The following GLYATL3 variants were observed in gnomAD, a reference collection of about 807,000 sequenced individuals.
GLYATL3 encodes glycine-N-acyltransferase like 3.
A neutral mutation model predicts 28.5 loss-of-function variants in GLYATL3; 31 were observed. The observed-to-expected ratio is 1.09, with a 90% CI of 0.82 to 1.47. The LOEUF is 1.47. GLYATL3 is among the 40% of genes most tolerant of loss of function. The pLI, the probability that GLYATL3 is intolerant of heterozygous loss-of-function variation, is 0.00. For synonymous variants in GLYATL3, 141 were observed against 140.2 expected (o/e 1.01, Z -0.04); for missense variants, 369 against 351.5 (o/e 1.05, Z -0.40).
chr6:49,500,713 C>A (rs976682955), intron 1 of GLYATL3, among the ~76,000 whole-genome samples: 1 of 152,150 alleles, frequency 6.6e-6, no homozygotes, highest in Non-Finnish European at 1.5e-5. Context: ...AGTTACCAAC[C>A]TTTAACTTCC....
chr6:49,513,363 AAT>A (rs1370095566), intron 2 of GLYATL3, among the ~76,000 whole-genome samples: 6 of 152,142 alleles, frequency 3.9e-5, no homozygotes, highest in African/African-American at 1.4e-4. Flanking sequence ...CCTTTGAATA[AAT>A]AGCTATTGGA....
At chr6:49,509,430 T>C (rs977091720) in intron 1 of GLYATL3, among the ~76,000 whole-genome samples, 1 of 152,230 alleles carries the variant, frequency 6.6e-6, no homozygotes, top group African/African-American at 2.4e-5. Flanking sequence ...CTAACACGTG[T>C]ATTTCCTCCA....
chr6:49,508,327 A>G (rs1000213533), intron 1 of GLYATL3, among the ~76,000 whole-genome samples: 1 of 152,170 alleles, frequency 6.6e-6, no homozygotes, highest in Admixed American at 6.5e-5. Context: ...CAACAACAAC[A>G]AAAACCAGAA....
In GLYATL3 at chr6:49,521,662, T is replaced by C; in HGVS notation, c.331T>C (p.Tyr111His). The change falls in exon 5 of 6, where the codon TAT (tyrosine) becomes CAT (histidine). Residue 111 changes from tyrosine (Y) to histidine (H), a missense_variant. Physicochemically the swap from Tyr to His is moderately conservative, Grantham distance 83. Transcript: ENST00000371197. ...ATACACAGGGCTGCAGAGTGAGTTA[T>C]ATGATGTTTCCAAAGCGGTTGCCAA... is the stretch of plus-strand genomic sequence containing the variant. ...FQIQGLQSEL[Y>H]DVSKAVANSK... is the part of the protein sequence containing the mutation. The C allele has an allele frequency of 2.6e-6, 4 of 1,551,114 alleles. No homozygotes were observed. The highest frequency in any genetic ancestry group is 1.2e-5 in the South Asian group (1 of 84,032).
intron 2 of GLYATL3, among the ~76,000 whole-genome samples, 198 bp downstream of exon 2, chr6:49,512,266 C>CA (rs1459284003): frequency 3.1e-5 from 4 of 129,366 alleles, no homozygotes; most frequent in African/African-American, 8.5e-5. Context: ...TTACACTTTT[C>CA]TTTTTTTTTT....
chr6:49,521,942 C>T (rs1338772524), intron 5 of GLYATL3, among the ~76,000 whole-genome samples, 171 bp downstream of exon 5: 1 of 152,014 alleles, frequency 6.6e-6, no homozygotes, highest in Non-Finnish European at 1.5e-5. Context: ...TACTCTTCTC[C>T]TCTCTCCTGT....
At chr6:49,501,236 T>A (rs1189242254) in intron 1 of GLYATL3, among the ~76,000 whole-genome samples, 2 of 145,590 alleles carry the variant, frequency 1.4e-5, no homozygotes, top group Non-Finnish European at 3.1e-5. Context: ...CCCCCATCTC[T>A]ACTAAAAATA....
Position 49,512,046 on chromosome 6 carries a change from G to A in GLYATL3, c.56G>A (p.Ser19Asn), listed in dbSNP as rs759132418. Residue 19 changes from serine (S) to asparagine (N), a missense_variant, in exon 2 of 6, where the codon AGT becomes AAT. Transcript: ENST00000371197. ...KLLILEKMLK[S>N]CFPESLKVYG... ...CTGATACTGGAGAAAATGTTGAAGA[G>A]TTGCTTTCCTGAATCACTCAAGGTA... 8.3e-6 allele frequency: 12 copies of A among 1,443,336 alleles called. No homozygotes were observed. The African/African-American group carries it at 1.3e-4, about 15-fold the overall frequency. 89.4% of individuals were successfully genotyped at this position (1,443,336 alleles called of 1,614,324 possible).
chr6:49,521,212 G>A lies in GLYATL3; in HGVS notation c.314-433G>A, dbSNP rs146524914. Among the ~76,000 whole-genome samples the A allele has an allele frequency of 3.5e-3, 526 of 152,286 alleles. 1 individual carries two copies. The highest frequency in any genetic ancestry group is 0.013 in the South Asian group (65 of 4,826). On this transcript the variant is annotated intron_variant, in intron 4 of 5. Coordinates refer to ENST00000371197, the MANE Select transcript of GLYATL3 (RefSeq NM_001010904.2). ...ACACCTTGAGTTCTGTAATGGCGAG[G>A]TGTAATAGAGAGTCTTTGAAGTTGG...
chr6:49,526,564 G>A lies in GLYATL3; in HGVS notation c.517G>A (p.Gly173Ser), dbSNP rs1443676738. The A allele has an allele frequency of 6.4e-7, 1 of 1,551,760 alleles. No individual in the cohort carries two copies. Among genetic ancestry groups the A allele is most frequent in the African/African-American group, 1.4e-5 (1 of 73,048 alleles). The change falls in exon 6 of 6, where the codon GGC (glycine) becomes AGC (serine). Residue 173 changes from glycine to serine, a missense_variant. Transcript: ENST00000371197. ...DLLNRTWSRG[G>S]NEQCLRYIAN... is the part of the protein sequence containing the mutation. ...ACTCAACCGGACTTGGTCCCGGGGA[G>A]GCAATGAACAATGTCTCCGGTACAT...
chr6:49,515,103 C>G (rs1769192246), intron 2 of GLYATL3, among the ~76,000 whole-genome samples: 1 of 152,122 alleles, frequency 6.6e-6, no homozygotes, highest in Non-Finnish European at 1.5e-5. Flanking sequence ...CTTGCTCCAT[C>G]AAATCTAAAG....
intron 1 of GLYATL3, among the ~76,000 whole-genome samples, chr6:49,508,582 C>G (rs944573225): frequency 3.3e-5 from 5 of 152,114 alleles, no homozygotes; most frequent in African/African-American, 1.2e-4. Context: ...TTTATAGGCT[C>G]TCCACAACGG....
chr6:49,513,940 T>C (rs936365009), intron 2 of GLYATL3, among the ~76,000 whole-genome samples: 1 of 152,148 alleles, frequency 6.6e-6, no homozygotes, highest in African/African-American at 2.4e-5. Context: ...AAAAGTTGTT[T>C]TTAATTAAAC....
At chr6:49,526,241 C>T (rs1037823927) in intron 5 of GLYATL3, among the ~76,000 whole-genome samples, 1 of 152,004 alleles carries the variant, frequency 6.6e-6, no homozygotes, top group Non-Finnish European at 1.5e-5. Context: ...TCGTGAAATC[C>T]CGTCTCTACT....
chr6:49,525,623 C>T (rs1239971108), intron 5 of GLYATL3, among the ~76,000 whole-genome samples: 1 of 128,952 alleles, frequency 7.8e-6, no homozygotes, highest in Non-Finnish European at 1.6e-5. Flanking sequence ...GAGCAAAGAA[C>T]AGTTCATGAA....
chr6:49,501,894 C>T (rs1768920222), intron 1 of GLYATL3, among the ~76,000 whole-genome samples: 1 of 152,192 alleles, frequency 6.6e-6, no homozygotes, highest in South Asian at 2.1e-4. Flanking sequence ...ATTCCCAGAG[C>T]TATGAACATC....
chr6:49,521,704 A>G lies in GLYATL3; in HGVS notation c.373A>G (p.Ile125Val), dbSNP rs1204626730. 1 of 1,550,364 alleles carries G rather than the reference A, an allele frequency of 6.5e-7. No homozygotes were observed. The highest frequency in any genetic ancestry group is 8.7e-7 in the Non-Finnish European group (1 of 1,145,738). Residue 125 changes from isoleucine to valine, a missense_variant, in exon 5 of 6, where the codon ATA (isoleucine) becomes GTA (valine). Transcript: ENST00000371197. ...GGTTGCCAATTCAAAGCAGTTGAAT[A>G]TAAAGCTAACTTCCTTCAAGGCTGT... is the stretch of plus-strand genomic sequence containing the variant. ...KAVANSKQLN[I>V]KLTSFKAVHF...
chr6:49,504,764 G>A (rs1768980587), intron 1 of GLYATL3, among the ~76,000 whole-genome samples: 2 of 152,070 alleles, frequency 1.3e-5, no homozygotes, highest in South Asian at 4.1e-4. Context: ...CAATAGGCTG[G>A]ATCATTGTCT....
intron 5 of GLYATL3, among the ~76,000 whole-genome samples, chr6:49,522,596 A>T (rs1040266331): frequency 4.0e-5 from 6 of 151,640 alleles, no homozygotes; most frequent in Non-Finnish European, 7.3e-5. Context: ...AGTTAATATT[A>T]AAAAAAGTTG....
Sources: gnomAD v4.1 joint callset for allele counts (sites outside exome capture counted in the v4.1 genomes callset) on GRCh38, gnomAD v4.1.1 for gene constraint, MANE v1.5 for transcripts, NCBI Gene and HGNC (gene_info 2026-07-23, HGNC 2026-07-21) for gene names.